Variants in CALD1 observed in about 807,000 individuals in gnomAD.
CALD1 encodes the protein caldesmon.
CALD1 carries 33 observed loss-of-function variants against 99.9 expected under a neutral mutation model. The observed-to-expected ratio is 0.33, with a 90% confidence interval of 0.25 to 0.44. The LOEUF is 0.44. Ranked by LOEUF, CALD1 falls within the 20% of genes least tolerant of loss-of-function variation. The probability of loss-of-function intolerance (pLI) is 1.00; values close to 1 mark genes in which losing one functional copy is unlikely to be tolerated. For missense variants in CALD1, 861 were observed against 962.1 expected (o/e 0.89, Z 1.39); for synonymous variants, 310 against 325.0 (o/e 0.95, Z 0.50).
chr7:134,872,425 C>T (rs1397947453), intron 3 of CALD1, among the ~76,000 whole-genome samples: 1 of 151,248 alleles, frequency 6.6e-6, no homozygotes, highest in Non-Finnish European at 1.5e-5. Flanking sequence ...AACTTTTATG[C>T]CATTACCTCG....
intron 1 of CALD1, among the ~76,000 whole-genome samples, chr7:134,820,021 G>A (rs1798712058): frequency 6.6e-6 from 1 of 152,178 alleles, no homozygotes; most frequent in Non-Finnish European, 1.5e-5. Flanking sequence ...TGAAAATCAG[G>A]CATGGTTTTG....
intron 1 of CALD1, among the ~76,000 whole-genome samples, chr7:134,801,558 C>T (rs1216591466): frequency 1.3e-5 from 2 of 152,250 alleles, no homozygotes; most frequent in Admixed American, 6.5e-5. Context: ...CTTGGATATT[C>T]GTTTAGCTGA....
At chr7:134,856,787 G>A (rs2132253617) in intron 2 of CALD1, among the ~76,000 whole-genome samples, 1 of 152,278 alleles carries the variant, frequency 6.6e-6, no homozygotes, top group African/African-American at 2.4e-5. Context: ...GAGTTCCATA[G>A]TAAACCACCA....
chr7:134,816,020 C>A (rs1388514868), intron 1 of CALD1, among the ~76,000 whole-genome samples: 1 of 152,126 alleles, frequency 6.6e-6, no homozygotes, highest in African/African-American at 2.4e-5. Flanking sequence ...TTAACTAGAT[C>A]CAGAACATTT....
At chr7:134,950,869 G>A (rs1030346201) in intron 9 of CALD1, among the ~76,000 whole-genome samples, 1 of 152,192 alleles carries the variant, frequency 6.6e-6, no homozygotes, top group African/African-American at 2.4e-5. Flanking sequence ...TTAGGCAGGA[G>A]AATCACTTGA....
upstream of CALD1, among the ~76,000 whole-genome samples, chr7:134,778,998 C>T (rs1008196434): frequency 1.3e-4 from 20 of 152,292 alleles, no homozygotes; most frequent in South Asian, 2.1e-4. Flanking sequence ...CACATGCAGA[C>T]GTATTTTGGG....
chr7:134,929,634 G>A (rs1415592973), intron 4 of CALD1, among the ~76,000 whole-genome samples: 21 of 58,134 alleles, frequency 3.6e-4, no homozygotes, highest in African/African-American at 6.7e-4. Flanking sequence ...GTGTGTGTGT[G>A]TGTGTGTGTG....
intron 1 of CALD1, among the ~76,000 whole-genome samples, chr7:134,839,113 TA>T (rs1270737604): frequency 3.3e-5 from 5 of 152,208 alleles, no homozygotes; most frequent in Non-Finnish European, 7.3e-5. Flanking sequence ...TGCCTCATGA[TA>T]ACCATTATTC....
the CALD1 span, among the ~76,000 whole-genome samples, chr7:134,718,156 AC>A: frequency 6.6e-6 from 1 of 152,270 alleles, no homozygotes. Context: ...TTATTCTGAA[AC>A]CCTAAGTTCT....
chr7:134,902,201 A>C (rs1423544602), intron 3 of CALD1, among the ~76,000 whole-genome samples: 1 of 152,000 alleles, frequency 6.6e-6, no homozygotes, highest in Non-Finnish European at 1.5e-5. Flanking sequence ...AGTTCCCTAG[A>C]CTCAAGCGTA....
At chr7:134,870,376 G>C (rs2290361) in intron 3 of CALD1, among the ~76,000 whole-genome samples, 1 of 151,966 alleles carries the variant, frequency 6.6e-6, no homozygotes, top group Non-Finnish European at 1.5e-5. Context: ...CAGAACTAAA[G>C]TGCTGTGGTT....
At chr7:134,898,942 C>G (rs893738788) in intron 3 of CALD1, among the ~76,000 whole-genome samples, 1 of 152,182 alleles carries the variant, frequency 6.6e-6, no homozygotes, top group African/African-American at 2.4e-5. Context: ...CGTGCTTTGC[C>G]TGATATTATC....
At chr7:134,821,402 C>A (rs1798767385) in intron 1 of CALD1, among the ~76,000 whole-genome samples, 1 of 151,974 alleles carries the variant, frequency 6.6e-6, no homozygotes, top group Non-Finnish European at 1.5e-5. Context: ...AGTAATATTT[C>A]TAAATATTAG....
At chr7:134,763,383 T>C (rs1796795723) in intron 1 of CALD1, among the ~76,000 whole-genome samples, 2 of 152,156 alleles carry the variant, frequency 1.3e-5, no homozygotes, top group African/African-American at 4.8e-5. Context: ...AATCCTCTGG[T>C]ATTATTTTAG....
At chr7:134,963,699 T>C (rs189012526) in intron 13 of CALD1, among the ~76,000 whole-genome samples, 3 of 152,318 alleles carry the variant, frequency 2.0e-5, no homozygotes, top group African/African-American at 7.2e-5. Context: ...CTCTAAGCTG[T>C]ATAACTGTTA....
rs138276434 is a variant in CALD1, at chr7:134,783,701, G to A, written c.-130+3952G>A. Among the ~76,000 whole-genome samples, 25 of 152,270 alleles carry A rather than the reference G, an allele frequency of 1.6e-4. No homozygotes were observed. The East Asian group carries it at 2.7e-3, about 16-fold the overall frequency. The stretch of plus-strand genomic sequence containing the variant: ...CCTTAAGGTCCCTTTGTAAACCCAC[G>A]CTTCATGATTGACAGGTAAGAGACC... On this transcript the variant is annotated intron_variant, in intron 1 of 14. Transcript: ENST00000361675. The surrounding 1 kb of genome is among the most constrained non-coding windows in gnomAD (Gnocchi z 4.3).
chr7:134,948,134 A>G (rs986014382), intron 8 of CALD1: 3 of 170,336 alleles, frequency 1.8e-5, no homozygotes, highest in African/African-American at 7.2e-5. Flanking sequence ...GAAAGCTGAA[A>G]AGGATGAAAG....
chr7:134,823,687 G>A (rs909039808), intron 1 of CALD1, among the ~76,000 whole-genome samples: 1 of 152,182 alleles, frequency 6.6e-6, no homozygotes, highest in African/African-American at 2.4e-5. Flanking sequence ...TTCCCAAACT[G>A]TTTTGACTGA....
At chr7:134,919,821 G>A (rs1431249826) in intron 3 of CALD1, among the ~76,000 whole-genome samples, 1 of 152,104 alleles carries the variant, frequency 6.6e-6, no homozygotes, top group Non-Finnish European at 1.5e-5. Context: ...TCTAAACCAA[G>A]AGGGCTTTCT....
Sources: allele counts gnomAD v4.1 joint callset (sites outside exome capture counted in the v4.1 genomes callset), GRCh38; gene constraint gnomAD v4.1.1; non-coding constraint Gnocchi (gnomAD v3.1); transcripts MANE v1.5; gene names NCBI Gene and HGNC (gene_info 2026-07-23, HGNC 2026-07-21).